The following RTL4 variants were observed in gnomAD, a reference collection of about 807,000 sequenced individuals.
The protein encoded by RTL4 is retrotransposon Gag-like protein 4.
A neutral mutation model predicts 5.3 loss-of-function variants in RTL4; 4 were observed. The ratio of observed to expected loss-of-function variants is 0.75; its 90% CI spans 0.37 to 1.72. The LOEUF (loss-of-function observed/expected upper bound fraction) is 1.72. Among genes scored for constraint, RTL4 ranks in the 40% most tolerant of loss-of-function variants. The pLI is 0.04. For synonymous variants in RTL4, 98 were observed against 87.3 expected (o/e 1.12, Z -0.68); for missense variants, 260 against 227.1 (o/e 1.14, Z -0.93).
At chrX:112,139,084 G>A in the RTL4 span, among the ~76,000 whole-genome samples, 3 of 111,439 alleles carry the variant, frequency 2.7e-5, no homozygotes, top group Non-Finnish European at 3.8e-5. Context: ...ATTTTGTAGA[G>A]TATCCTTCAG....
At chrX:112,327,800 C>T in the RTL4 span, among the ~76,000 whole-genome samples, 13 of 111,760 alleles carry the variant, frequency 1.2e-4, no homozygotes, top group Admixed American at 8.6e-4. Context: ...AGACTAACAG[C>T]AAATCTCTTG....
At chrX:112,446,780 G>A in the RTL4 span, among the ~76,000 whole-genome samples, 13 of 111,804 alleles carry the variant, frequency 1.2e-4, no homozygotes, top group African/African-American at 3.6e-4. Flanking sequence ...CCCGGGAAGC[G>A]AAGGTTACAG....
the RTL4 span, among the ~76,000 whole-genome samples, chrX:112,294,590 C>T: frequency 9.0e-6 from 1 of 111,581 alleles, no homozygotes; most frequent in Non-Finnish European, 1.9e-5. Flanking sequence ...CAGAGCAAGA[C>T]TCCATCTCAA....
exon 1 of RTL4, chrX:112,455,617 C>A (rs765445404): frequency 2.5e-6 from 3 of 1,208,420 alleles, no homozygotes; most frequent in East Asian, 5.9e-5. Context: ...CCTTGCCAAA[C>A]GTTCTCGAGC....
the RTL4 span, among the ~76,000 whole-genome samples, chrX:112,202,160 A>G: frequency 1.8e-5 from 2 of 111,790 alleles, no homozygotes; most frequent in Admixed American, 9.5e-5. Context: ...ACCCCTGTCT[A>G]TAACAAATAT....
At chrX:112,242,561 T>C in the RTL4 span, among the ~76,000 whole-genome samples, 1 of 112,259 alleles carries the variant, frequency 8.9e-6, no homozygotes, top group African/African-American at 3.2e-5. Context: ...CCTGAGTCTT[T>C]GCTGAAGTTG....
the RTL4 span, among the ~76,000 whole-genome samples, chrX:112,329,530 C>T: frequency 1.8e-5 from 2 of 110,535 alleles, no homozygotes; most frequent in African/African-American, 3.3e-5. Context: ...GCTTACCAAC[C>T]AAAATGAGTC....
the RTL4 span, among the ~76,000 whole-genome samples, chrX:112,142,716 G>T: frequency 8.9e-6 from 1 of 112,446 alleles, no homozygotes; most frequent in Non-Finnish European, 1.9e-5. Context: ...ATAGGGGTGT[G>T]TGTAACTAGG....
chrX:112,390,106 A>AATATATATAT, the RTL4 span, among the ~76,000 whole-genome samples: 17 of 17,381 alleles, frequency 9.8e-4, 1 homozygote, highest in Non-Finnish European at 1.5e-3. Flanking sequence ...ATTTATATAT[A>AATATATATAT]ATATATATAT....
chrX:112,124,673 T>C, the RTL4 span, among the ~76,000 whole-genome samples: 3 of 98,275 alleles, frequency 3.1e-5, no homozygotes, highest in Non-Finnish European at 5.9e-5. Context: ...GGGCCGGTTG[T>C]TGGGGGGGAG....
chrX:112,310,343 G>C, the RTL4 span, among the ~76,000 whole-genome samples: 1 of 45,492 alleles, frequency 2.2e-5, no homozygotes, highest in Non-Finnish European at 3.8e-5. Flanking sequence ...CCTTACTGGA[G>C]AACCAAATTG....
the RTL4 span, among the ~76,000 whole-genome samples, chrX:112,250,993 TGGTTATGA>T: frequency 8.9e-6 from 1 of 112,215 alleles, no homozygotes; most frequent in African/African-American, 3.2e-5. Flanking sequence ...ACTATGATGA[TGGTTATGA>T]GAGTAATAGC....
the RTL4 span, among the ~76,000 whole-genome samples, chrX:112,291,367 T>TACACACAC: frequency 4.8e-4 from 46 of 95,413 alleles, 1 homozygote; most frequent in South Asian, 2.2e-3. Context: ...TGTATGTTTG[T>TACACACAC]ACACACACAC....
the RTL4 span, among the ~76,000 whole-genome samples, chrX:112,404,996 T>C: frequency 3.6e-5 from 4 of 111,970 alleles, no homozygotes; most frequent in East Asian, 5.6e-4. Context: ...GTGGAGTATA[T>C]GTGTCTGCAT....
the RTL4 span, among the ~76,000 whole-genome samples, chrX:112,209,910 A>T: frequency 1.8e-5 from 2 of 111,532 alleles, no homozygotes. Context: ...CTTGCTCCAA[A>T]ATCCTAGAAG....
chrX:112,328,458 C>G, the RTL4 span, among the ~76,000 whole-genome samples: 6 of 111,759 alleles, frequency 5.4e-5, no homozygotes, highest in African/African-American at 9.7e-5. Flanking sequence ...GAAGAGCTAA[C>G]TATCCTAAAT....
At chrX:112,100,884 C>T in the RTL4 span, among the ~76,000 whole-genome samples, 1 of 111,490 alleles carries the variant, frequency 9.0e-6, no homozygotes, top group Non-Finnish European at 1.9e-5. Context: ...AAAAATCAGG[C>T]AGGCCCTCTG....
chrX:112,314,883 T>C, the RTL4 span, among the ~76,000 whole-genome samples: 1 of 111,687 alleles, frequency 9.0e-6, no homozygotes, highest in African/African-American at 3.3e-5. Context: ...TGTCCCTGTT[T>C]TCTTCTGCCT....
At chrX:112,206,527 T>C in the RTL4 span, among the ~76,000 whole-genome samples, 1 of 111,533 alleles carries the variant, frequency 9.0e-6, no homozygotes, top group Admixed American at 9.6e-5. Context: ...CTCCTGGTTT[T>C]CCTCCTATCT....
Sources: allele counts gnomAD v4.1 joint callset (sites outside exome capture counted in the v4.1 genomes callset), GRCh38; gene constraint gnomAD v4.1.1; transcripts MANE v1.5; gene names NCBI Gene and HGNC (gene_info 2026-07-23, HGNC 2026-07-21).